CNTNAP5: variants seen among roughly 807,000 people sequenced by gnomAD.
The protein encoded by CNTNAP5 is contactin associated protein family member 5.
In CNTNAP5, 72 loss-of-function variants were observed where a neutral mutation model predicts 150.2. The ratio of observed to expected loss-of-function variants is 0.48; its 90% CI spans 0.40 to 0.58. The LOEUF (loss-of-function observed/expected upper bound fraction) is 0.58, where lower values mean the gene tolerates loss of function less well. Ranked by LOEUF, CNTNAP5 falls within the 20% of genes least tolerant of loss-of-function variation. The pLI is 0.00. For missense variants in CNTNAP5, 1,636 were observed against 1,626.2 expected (o/e 1.01, Z -0.10); for synonymous variants, 672 against 619.8 (o/e 1.08, Z -1.25).
At chr2:124,349,375 A>G (rs1208471929) in intron 3 of CNTNAP5, among the ~76,000 whole-genome samples, 3 of 152,228 alleles carry the variant, frequency 2.0e-5, no homozygotes, top group Non-Finnish European at 4.4e-5. Flanking sequence ...TGAGACCACC[A>G]TCACATATGC....
chr2:124,663,768 T>A (rs933503085), intron 13 of CNTNAP5, among the ~76,000 whole-genome samples: 1 of 152,142 alleles, frequency 6.6e-6, no homozygotes, highest in Admixed American at 6.5e-5. Flanking sequence ...GGCCATACAT[T>A]ATGATGCTGA....
chr2:124,120,062 A>G (rs1021603484), intron 1 of CNTNAP5, among the ~76,000 whole-genome samples: 3 of 152,190 alleles, frequency 2.0e-5, no homozygotes, highest in African/African-American at 4.8e-5. Context: ...AGATCACTCT[A>G]CTGTGCAGAC....
At chr2:124,845,642 GTA>G (rs1481130275) in intron 19 of CNTNAP5, among the ~76,000 whole-genome samples, 1 of 151,712 alleles carries the variant, frequency 6.6e-6, no homozygotes, top group African/African-American at 2.4e-5. Context: ...GGCTATCTTT[GTA>G]TTACCATTTC....
intron 13 of CNTNAP5, among the ~76,000 whole-genome samples, chr2:124,699,566 C>T (rs762443762): frequency 2.4e-4 from 37 of 152,244 alleles, no homozygotes; most frequent in African/African-American, 2.9e-4. Context: ...CAAGGTTGTG[C>T]GGATGTGCCA....
At chr2:124,511,117 ATG>A (rs1297943260) in intron 8 of CNTNAP5, among the ~76,000 whole-genome samples, 4 of 152,200 alleles carry the variant, frequency 2.6e-5, no homozygotes, top group African/African-American at 9.7e-5. Context: ...GATGCTTAGA[ATG>A]GAGTTTAGTA....
intron 1 of CNTNAP5, among the ~76,000 whole-genome samples, chr2:124,095,825 C>T (rs1223873828): frequency 4.6e-5 from 7 of 152,004 alleles, no homozygotes; most frequent in African/African-American, 1.7e-4. Context: ...ATTGAATGCA[C>T]AATGTATGAC....
chr2:124,708,812 C>T (rs1679747534), intron 13 of CNTNAP5, among the ~76,000 whole-genome samples: 1 of 152,178 alleles, frequency 6.6e-6, no homozygotes, highest in Non-Finnish European at 1.5e-5. Context: ...GCCAGAATTG[C>T]TCAGCAGTTG....
Position 124,045,331 on chromosome 2 carries a change from C to T in CNTNAP5, c.82+19599C>T, listed in dbSNP as rs190891471. Among the ~76,000 whole-genome samples, 35 of 144,130 alleles carry T rather than the reference C, an allele frequency of 2.4e-4. No individual in the cohort carries two copies. The East Asian group carries it at 6.1e-3, about 25-fold the overall frequency. The allele number at this position is 144,130 out of a possible 152,430, so 94.6% of individuals were successfully genotyped here. ...TTTTAAATTTTGAGATGGAATCTAG[C>T]TCTGTCACACAGGCTGGAGAGCAAT... On this transcript the variant is annotated intron_variant, in intron 1 of 23. Coordinates refer to ENST00000682447, the MANE Select transcript of CNTNAP5 (RefSeq NM_001367498.1).
chr2:124,494,890 A>C (rs140544390), intron 7 of CNTNAP5, among the ~76,000 whole-genome samples: 1 of 152,294 alleles, frequency 6.6e-6, no homozygotes, highest in African/African-American at 2.4e-5. Flanking sequence ...CATACAGAAA[A>C]CTGTTTAACT....
At chr2:124,047,146 C>A (rs555826257) in intron 1 of CNTNAP5, among the ~76,000 whole-genome samples, 6 of 152,234 alleles carry the variant, frequency 3.9e-5, no homozygotes, top group South Asian at 2.1e-4. Flanking sequence ...AGACTAGAAA[C>A]AATACCGAGC....
intron 13 of CNTNAP5, among the ~76,000 whole-genome samples, chr2:124,668,899 T>A (rs1250350781): frequency 1.3e-5 from 2 of 152,176 alleles, no homozygotes; most frequent in African/African-American, 4.8e-5. Flanking sequence ...TTTTCCTTCC[T>A]CAGACACATC....
intron 3 of CNTNAP5, among the ~76,000 whole-genome samples, chr2:124,343,110 C>T (rs1247155533): frequency 1.3e-5 from 2 of 151,984 alleles, no homozygotes; most frequent in Admixed American, 1.3e-4. Context: ...CGAGACAAGA[C>T]TTAAAATGGC....
chr2:124,819,683 A>C (rs965610299), intron 19 of CNTNAP5, among the ~76,000 whole-genome samples: 1 of 152,174 alleles, frequency 6.6e-6, no homozygotes. Flanking sequence ...GACCACTCAA[A>C]GTTAAAGGAA....
chr2:124,302,105 C>G (rs1446102506), intron 3 of CNTNAP5, among the ~76,000 whole-genome samples: 1 of 152,170 alleles, frequency 6.6e-6, no homozygotes, highest in African/African-American at 2.4e-5. Flanking sequence ...TGTAGTGAGG[C>G]TGCAACAGAA....
At chr2:124,216,967 C>T (rs1686173518) in intron 1 of CNTNAP5, among the ~76,000 whole-genome samples, 2 of 152,088 alleles carry the variant, frequency 1.3e-5, no homozygotes, top group Admixed American at 1.3e-4. Flanking sequence ...ATCGCCACAC[C>T]AACTTCCACA....
intron 19 of CNTNAP5, among the ~76,000 whole-genome samples, chr2:124,857,005 G>C (rs1474108512): frequency 6.6e-6 from 1 of 152,112 alleles, no homozygotes; most frequent in Non-Finnish European, 1.5e-5. Context: ...GATACAAAAA[G>C]CTGTCCTGGG....
intron 3 of CNTNAP5, among the ~76,000 whole-genome samples, chr2:124,351,197 CAA>C (rs1558862869): frequency 6.6e-6 from 1 of 152,112 alleles, no homozygotes; most frequent in Non-Finnish European, 1.5e-5. Flanking sequence ...TTCCAGAAAC[CAA>C]AGATATTCTT....
chr2:124,100,683 T>C (rs1007186964), intron 1 of CNTNAP5, among the ~76,000 whole-genome samples: 2 of 149,058 alleles, frequency 1.3e-5, no homozygotes, highest in Admixed American at 6.7e-5. Context: ...CTAGCCAACA[T>C]AGCAAAGCCT....
At chr2:124,719,302 T>G (rs1302155836) in intron 13 of CNTNAP5, among the ~76,000 whole-genome samples, 1 of 152,302 alleles carries the variant, frequency 6.6e-6, no homozygotes, top group Admixed American at 6.5e-5. Context: ...AAGAAATGTT[T>G]AATTCCTCAT....
Sources: gnomAD v4.1 joint callset for allele counts (sites outside exome capture counted in the v4.1 genomes callset) on GRCh38, gnomAD v4.1.1 for gene constraint, MANE v1.5 for transcripts, NCBI Gene and HGNC (gene_info 2026-07-23, HGNC 2026-07-21) for gene names.